GMDS: variants seen among roughly 807,000 people sequenced by gnomAD.
GMDS encodes GDP-mannose 4,6-dehydratase.
A neutral mutation model predicts 49.9 loss-of-function variants in GMDS; 20 were observed. That is an observed-to-expected ratio of 0.40 (90% CI 0.28 to 0.58). GMDS has a LOEUF of 0.58. Ranked by LOEUF, GMDS falls within the 20% of genes least tolerant of loss-of-function variation. The probability of loss-of-function intolerance (pLI) is 0.42; values close to 1 mark genes in which losing one functional copy is unlikely to be tolerated. For synonymous variants in GMDS, 177 were observed against 178.6 expected (o/e 0.99, Z 0.07); for missense variants, 362 against 481.4 (o/e 0.75, Z 2.32).
At chr6:1,737,941 CACAT>C (rs771903418) in intron 8 of GMDS, among the ~76,000 whole-genome samples, 3 of 149,120 alleles carry the variant, frequency 2.0e-5, no homozygotes, top group East Asian at 2.0e-4. Context: ...ACACCACACA[CACAT>C]ACACAGATAC....
In GMDS at chr6:1,922,957, C is replaced by T. The variant is rs146477060; in HGVS notation, c.771+7146G>A. On this transcript the variant is annotated intron_variant, in intron 7 of 10. Transcript: ENST00000380815. ...GTGGGAGATAACTGAATCATGGGGGCGGTTCCCCCATCCTGTTCTCATGGT... is the reference window on the plus strand; with the variant it reads ...GTGGGAGATAACTGAATCATGGGGGTGGTTCCCCCATCCTGTTCTCATGGT... 3.3e-5 allele frequency among the ~76,000 whole-genome samples: 5 copies of T among 152,282 alleles called. 1 individual carries two copies. Among genetic ancestry groups the T allele is most frequent in the Admixed American group, 2.0e-4 (3 of 15,296 alleles).
chr6:1,945,812 A>G (rs992564458), intron 6 of GMDS, among the ~76,000 whole-genome samples: 1 of 152,242 alleles, frequency 6.6e-6, no homozygotes, highest in African/African-American at 2.4e-5. Flanking sequence ...AATACTGTGA[A>G]GAGAATCACA....
At chr6:2,232,464 A>G (rs1263558727) in intron 1 of GMDS, among the ~76,000 whole-genome samples, 2 of 152,072 alleles carry the variant, frequency 1.3e-5, no homozygotes, top group Non-Finnish European at 2.9e-5. Flanking sequence ...CAAAATCACA[A>G]CCTCACTGGT....
At position 1,652,537 on chromosome 6, in the gene GMDS, T is replaced by C. The variant is rs868790867; in HGVS notation, c.988-27997A>G. On this transcript the variant is annotated intron_variant, in intron 9 of 10. Transcript: ENST00000380815. ...ATATATATTTATATATAATATATAT[T>C]ATTTATATATAATATATTATATATA... is the stretch of plus-strand genomic sequence containing the variant. 3.9e-4 allele frequency among the ~76,000 whole-genome samples: 3 copies of C among 7,760 alleles called. 1 individual carries two copies. The highest frequency in any genetic ancestry group is 7.9e-4 in the African/African-American group (2 of 2,538). The allele number at this position is 7,760 out of a possible 152,430, so 5.1% of individuals were successfully genotyped here. A position where few individuals can be genotyped will look rare whatever the true frequency, so the allele number is the denominator to read the frequency against.
chr6:2,236,864 T>C lies in GMDS; in HGVS notation c.102+8457A>G, dbSNP rs148106011. On this transcript the variant is annotated intron_variant, in intron 1 of 10. Transcript: ENST00000380815. ...AATCAAACCAAATGCTCAAGCATAA[T>C]ATATATATAATACAACCAAGCTTTG... Among the ~76,000 whole-genome samples the C allele has an allele frequency of 6.1e-3, 933 of 152,258 alleles. 3 individuals carry two copies. Among genetic ancestry groups the C allele is most frequent in the Middle Eastern group, 0.017 (5 of 294 alleles).
chr6:1,969,043 C>T lies in GMDS; in HGVS notation c.346-8077G>A, dbSNP rs544126372. ...TTGGGAGGCCGAGGCGGGCGGATCA[C>T]GAGGTCAGGAGATCAAGACCATCCT... On this transcript the variant is annotated intron_variant, in intron 4 of 10. Coordinates refer to ENST00000380815, the MANE Select transcript of GMDS (RefSeq NM_001500.4). 3.2e-3 allele frequency among the ~76,000 whole-genome samples: 488 copies of T among 151,878 alleles called. 2 individuals are homozygous for T. The highest frequency in any genetic ancestry group is 0.011 in the African/African-American group (444 of 41,446).
chr6:1,796,525 C>G (rs188252585), intron 7 of GMDS, among the ~76,000 whole-genome samples: 1 of 152,242 alleles, frequency 6.6e-6, no homozygotes, highest in East Asian at 1.9e-4. Flanking sequence ...ATGATCAAGT[C>G]ATGTTTGGGA....
Position 2,117,518 on chromosome 6 carries a change from C to T in GMDS, c.186G>A (p.Thr62=), listed in dbSNP as rs767024066. The change falls in exon 3 of 11, where the codon ACG becomes ACA. Residue 62 remains threonine (T), a synonymous_variant. Transcript: ENST00000380815. ...TCTTATACAGATGCTCAATTCGACC[C>T]GTATTAAATGAACTGGACCGCCGTA... ...GIVRRSSSFN[T]GRIEHLYKNP... is the part of the protein sequence containing the mutation. The T allele has an allele frequency of 1.2e-5, 19 of 1,609,600 alleles. No individual in the cohort carries two copies. The highest frequency in any genetic ancestry group is 8.8e-5 in the South Asian group (8 of 91,002).
At chr6:1,921,496 C>T (rs1456917191) in intron 7 of GMDS, among the ~76,000 whole-genome samples, 1 of 152,102 alleles carries the variant, frequency 6.6e-6, no homozygotes, top group Non-Finnish European at 1.5e-5. Flanking sequence ...TTTTTCTTAA[C>T]TTATTTTAAA....
At chr6:2,134,227 C>T (rs1292948080) in intron 1 of GMDS, among the ~76,000 whole-genome samples, 1 of 152,194 alleles carries the variant, frequency 6.6e-6, no homozygotes, top group Non-Finnish European at 1.5e-5. Flanking sequence ...ACTGAGACTG[C>T]AGTTTGAACC....
chr6:1,693,173 G>C (rs527559216), intron 9 of GMDS, among the ~76,000 whole-genome samples: 1 of 152,184 alleles, frequency 6.6e-6, no homozygotes, highest in Non-Finnish European at 1.5e-5. Context: ...CAGTCTGGCT[G>C]GTGGAAACAG....
intron 9 of GMDS, among the ~76,000 whole-genome samples, chr6:1,723,668 G>C (rs1354657121): frequency 1.3e-5 from 2 of 151,204 alleles, no homozygotes; most frequent in African/African-American, 2.4e-5. Flanking sequence ...GTCCCTCTGT[G>C]CAGAAGATCT....
At chr6:1,987,201 A>G (rs1019320077) in intron 4 of GMDS, among the ~76,000 whole-genome samples, 1 of 152,208 alleles carries the variant, frequency 6.6e-6, no homozygotes, top group African/African-American at 2.4e-5. Flanking sequence ...AAGATAGCCC[A>G]TTCATATTTT....
intron 4 of GMDS, among the ~76,000 whole-genome samples, chr6:2,056,901 A>AT (rs1770812984): frequency 6.6e-6 from 1 of 152,190 alleles, no homozygotes; most frequent in African/African-American, 2.4e-5. Context: ...ACCTCATTAT[A>AT]TTTTTTAAAA....
chr6:2,062,324 C>T (rs1581592515), intron 4 of GMDS, among the ~76,000 whole-genome samples: 1 of 152,294 alleles, frequency 6.6e-6, no homozygotes, highest in East Asian at 1.9e-4. Flanking sequence ...CAAAATCTCA[C>T]AGAACGCTAC....
intron 8 of GMDS, among the ~76,000 whole-genome samples, chr6:1,732,102 T>C (rs1167379584): frequency 6.6e-6 from 1 of 152,136 alleles, no homozygotes; most frequent in African/African-American, 2.4e-5. Context: ...CCGAGGCATG[T>C]GGATCACAAG....
intron 7 of GMDS, among the ~76,000 whole-genome samples, chr6:1,773,157 T>C (rs1768649359): frequency 6.6e-6 from 1 of 150,382 alleles, no homozygotes; most frequent in African/African-American, 2.4e-5. Context: ...ACATTTTATA[T>C]GCATTCAAGG....
At chr6:2,096,184 T>C (rs1293141697) in intron 4 of GMDS, among the ~76,000 whole-genome samples, 1 of 152,162 alleles carries the variant, frequency 6.6e-6, no homozygotes, top group Non-Finnish European at 1.5e-5. Context: ...CTCCTCCAGT[T>C]TGCAGAGTAA....
Position 1,624,499 on chromosome 6 carries a change from C to A in GMDS, c.1029G>T (p.Leu343=), listed in dbSNP as rs1435711399. The A allele has an allele frequency of 5.0e-6, 8 of 1,613,944 alleles. No individual in the cohort carries two copies. Among genetic ancestry groups the A allele is most frequent in the Non-Finnish European group, 6.8e-6 (8 of 1,179,840 alleles). Reference sequence around the variant, plus strand: ...CGAAAGCGACCCGGGGCTTCCAGTTCAGCTTCTGTTTCGCTTTGGTGCAGT... The same window carrying A: ...CGAAAGCGACCCGGGGCTTCCAGTTAAGCTTCTGTTTCGCTTTGGTGCAGT... ...QGDCTKAKQK[L]NWKPRVAFDE... The change falls in exon 10 of 11, where the codon CTG becomes CTT. Residue 343 remains leucine, a synonymous_variant. Transcript: ENST00000380815.
Sources: allele counts gnomAD v4.1 joint callset (sites outside exome capture counted in the v4.1 genomes callset), GRCh38; gene constraint gnomAD v4.1.1; transcripts MANE v1.5; gene names NCBI Gene and HGNC (gene_info 2026-07-23, HGNC 2026-07-21).